Variants in KCNMB3 observed in about 807,000 individuals in gnomAD.
KCNMB3 encodes potassium calcium-activated channel subfamily M regulatory beta subunit 3.
Under a neutral mutation model 11.9 loss-of-function variants are expected in KCNMB3, and 18 were observed. The ratio of observed to expected loss-of-function variants is 1.51; its 90% CI spans 1.04 to 2.23. KCNMB3 has a LOEUF of 2.23. Among genes scored for constraint, KCNMB3 ranks in the 30% most tolerant of loss-of-function variants. KCNMB3 has a pLI of 0.00. For missense variants in KCNMB3, 247 were observed against 329.4 expected, an observed-to-expected ratio of 0.75 and a Z score of 1.94; for synonymous variants, 78 against 119.2, an observed-to-expected ratio of 0.65 and a Z score of 2.25.
At chr3:179,239,826 T>C (rs1725404495), downstream of KCNMB3, 1 of 503,942 alleles carries the variant, frequency 2.0e-6, no homozygotes, top group Non-Finnish European at 3.6e-6. Context: ...CTGCATTCAT[T>C]AGAAGAAAAA....
chr3:179,248,663 A>C (rs1020301997), intron 1 of KCNMB3, among the ~76,000 whole-genome samples: 3 of 150,514 alleles, frequency 2.0e-5, no homozygotes, highest in Admixed American at 1.3e-4. Flanking sequence ...AGGAGGTCGA[A>C]GCTGCAGTGA....
chr3:179,266,670 C>T, exon 1 of KCNMB3: 2 of 1,614,192 alleles, frequency 1.2e-6, no homozygotes, highest in Non-Finnish European at 1.7e-6. Context: ...CCTCCGGCTG[C>T]CCTGAAGTGT....
intron 1 of KCNMB3, chr3:179,259,861 T>G (rs1404669434): frequency 9.9e-6 from 16 of 1,612,938 alleles, no homozygotes; most frequent in Non-Finnish European, 1.3e-5. Flanking sequence ...TCCTGACCCT[T>G]GCTCTCAGTT....
chr3:179,251,512 G>A, upstream of KCNMB3: 1 of 1,378,994 alleles, frequency 7.3e-7, no homozygotes. Flanking sequence ...CTCCTCTCTG[G>A]CCACTCATGG....
intron 1 of KCNMB3, among the ~76,000 whole-genome samples, chr3:179,262,725 G>A (rs1227544653): frequency 6.6e-6 from 1 of 152,158 alleles, no homozygotes; most frequent in Non-Finnish European, 1.5e-5. Context: ...TACAATCCCT[G>A]AGCTAGACAC....
At chr3:179,262,629 TGATTGGTCCATTTTACAGAGAGCC>T (rs1358563805) in intron 1 of KCNMB3, among the ~76,000 whole-genome samples, 23 of 152,226 alleles carry the variant, frequency 1.5e-4, no homozygotes, top group Admixed American at 3.3e-4. Flanking sequence ...CACATCCTGC[TGATTGGTCCATTTTACAGAGAGCC>T]GATTGGTCCA....
At chr3:179,264,193 A>G (rs1726308462) in intron 1 of KCNMB3, among the ~76,000 whole-genome samples, 1 of 152,166 alleles carries the variant, frequency 6.6e-6, no homozygotes. Flanking sequence ...CATAATAAGC[A>G]CTTTCCCATG....
At chr3:179,259,727 TTTCTTG>T (rs1246179647) in intron 1 of KCNMB3, 3 of 1,592,072 alleles carry the variant, frequency 1.9e-6, no homozygotes, top group African/African-American at 1.4e-5. Flanking sequence ...TCTTTTTCTT[TTTCTTG>T]TTCTTTCTCT....
chr3:179,259,844 T>C, intron 1 of KCNMB3: 1 of 1,611,022 alleles, frequency 6.2e-7, no homozygotes, highest in Non-Finnish European at 8.5e-7. Flanking sequence ...TACTTGGACC[T>C]GTCGCCTCCT....
At chr3:179,263,359 C>T (rs946091673) in intron 1 of KCNMB3, among the ~76,000 whole-genome samples, 4 of 152,250 alleles carry the variant, frequency 2.6e-5, no homozygotes, top group Non-Finnish European at 5.9e-5. Flanking sequence ...GCAAGCTCCG[C>T]GCACAGCCCG....
chr3:179,248,512 G>C (rs1014268700), intron 1 of KCNMB3, among the ~76,000 whole-genome samples: 1 of 152,058 alleles, frequency 6.6e-6, no homozygotes, highest in Non-Finnish European at 1.5e-5. Context: ...AGGATGACTT[G>C]AGCTTAGGAG....
At chr3:179,250,532 G>A (rs1179214654) in intron 1 of KCNMB3, among the ~76,000 whole-genome samples, 1 of 152,204 alleles carries the variant, frequency 6.6e-6, no homozygotes, top group East Asian at 1.9e-4. Context: ...AGGAGGCAGT[G>A]CAGGGAAATA....
At chr3:179,264,863 A>G (rs2108460784) in intron 1 of KCNMB3, among the ~76,000 whole-genome samples, 1 of 152,376 alleles carries the variant, frequency 6.6e-6, no homozygotes, top group East Asian at 1.9e-4. Flanking sequence ...GTTACAGAGG[A>G]GACCCTTGGT....
chr3:179,264,603 GC>G (rs1402577218), intron 1 of KCNMB3, among the ~76,000 whole-genome samples: 1 of 152,150 alleles, frequency 6.6e-6, no homozygotes, highest in Non-Finnish European at 1.5e-5. Context: ...ATGGCTACAG[GC>G]AGCTTCTGGC....
At chr3:179,251,340 C>T, upstream of KCNMB3, 1 of 1,439,076 alleles carries the variant, frequency 6.9e-7, no homozygotes, top group East Asian at 2.5e-5. Context: ...TCAAAAAGTT[C>T]ACATTTGGAA....
chr3:179,255,312 C>T (rs954200759), upstream of KCNMB3, among the ~76,000 whole-genome samples: 1 of 149,696 alleles, frequency 6.7e-6, no homozygotes, highest in Non-Finnish European at 1.5e-5. Flanking sequence ...ATATAAAATA[C>T]ACATCTGTAA....
intron 2 of KCNMB3, among the ~76,000 whole-genome samples, chr3:179,243,485 A>T (rs1363115902): frequency 6.6e-6 from 1 of 152,164 alleles, no homozygotes; most frequent in Non-Finnish European, 1.5e-5. Context: ...TCATTAAGCA[A>T]GGATGTGGAA....
chr3:179,260,238 C>T, intron 1 of KCNMB3: 1 of 1,613,964 alleles, frequency 6.2e-7, no homozygotes, highest in Admixed American at 1.7e-5. Flanking sequence ...AAGGGGAGTT[C>T]TGGTCCTGTC....
intron 1 of KCNMB3, 126 bp from the exon 2 acceptor site, chr3:179,244,819 A>G: frequency 1.3e-6 from 1 of 788,922 alleles, no homozygotes; most frequent in Non-Finnish European, 2.1e-6. Flanking sequence ...GTGTATTTTG[A>G]GGTGGTGCAG....
Sources: allele counts gnomAD v4.1 joint callset (sites outside exome capture counted in the v4.1 genomes callset), GRCh38; gene constraint gnomAD v4.1.1; transcripts MANE v1.5; gene names NCBI Gene and HGNC (gene_info 2026-07-23, HGNC 2026-07-21).